Variants in NDFIP2 observed in about 807,000 individuals in gnomAD.
The protein encoded by NDFIP2 is Nedd4 family interacting protein 2.
A neutral mutation model predicts 36.0 loss-of-function variants in NDFIP2; 19 were observed. The observed-to-expected ratio is 0.53, with a 90% CI of 0.37 to 0.77. The LOEUF (loss-of-function observed/expected upper bound fraction) is 0.77, where lower values mean the gene tolerates loss of function less well. NDFIP2 is among the 30% of genes least tolerant of loss of function. NDFIP2 has a pLI of 0.00. For synonymous variants in NDFIP2, 181 were observed against 167.7 expected (o/e 1.08, Z -0.61); for missense variants, 446 against 435.8 (o/e 1.02, Z -0.21).
At chr13:79,485,929 C>T (rs1872966055) in intron 1 of NDFIP2, among the ~76,000 whole-genome samples, 1 of 152,140 alleles carries the variant, frequency 6.6e-6, no homozygotes, top group African/African-American at 2.4e-5. Flanking sequence ...TTGTTTGCAT[C>T]GTGTGAATCA....
intron 4 of NDFIP2, among the ~76,000 whole-genome samples, chr13:79,542,315 GA>G (rs1302595175): frequency 6.6e-6 from 1 of 152,180 alleles, no homozygotes; most frequent in Non-Finnish European, 1.5e-5. Context: ...GAAACAGAAA[GA>G]GAAGGTATTT....
At chr13:79,507,170 C>G (rs1441834425) in intron 1 of NDFIP2, among the ~76,000 whole-genome samples, 1 of 151,420 alleles carries the variant, frequency 6.6e-6, no homozygotes, top group Non-Finnish European at 1.5e-5. Flanking sequence ...GTCTTTAGCT[C>G]TATGTTTAAC....
intron 5 of NDFIP2, among the ~76,000 whole-genome samples, chr13:79,543,955 A>G (rs1298849899): frequency 6.6e-6 from 1 of 151,662 alleles, no homozygotes; most frequent in South Asian, 2.1e-4. Flanking sequence ...ACTTTATTTA[A>G]TTGTTCTGAG....
In NDFIP2 at chr13:79,522,394, C is replaced by T. The variant is rs539227963; in HGVS notation, c.487+1419C>T. 5.9e-5 allele frequency among the ~76,000 whole-genome samples: 9 copies of T among 152,110 alleles called. 2 individuals carry two copies. Among genetic ancestry groups the T allele is most frequent in the African/African-American group, 2.2e-4 (9 of 41,468 alleles). On this transcript the variant is annotated intron_variant, in intron 2 of 7. Coordinates refer to ENST00000218652, the MANE Select transcript of NDFIP2 (RefSeq NM_019080.3). Reference sequence around the variant, plus strand: ...TGAAGAAAGAAAATGAGTTGTTTTCCTACTGATGTTTGTCTGAGTAATGAA... The same window carrying T: ...TGAAGAAAGAAAATGAGTTGTTTTCTTACTGATGTTTGTCTGAGTAATGAA...
rs1873761858 is a variant in NDFIP2, at chr13:79,503,938, G to A, written c.322-16872G>A. Reference sequence around the variant, plus strand: ...CCAAGAAAATTTTCCTTGTCTTCTTGTTCCCAGATAAGAGGGAGAGATGTG... The same window carrying A: ...CCAAGAAAATTTTCCTTGTCTTCTTATTCCCAGATAAGAGGGAGAGATGTG... On this transcript the variant is annotated intron_variant, in intron 1 of 7. Transcript: ENST00000218652. Among the ~76,000 whole-genome samples the A allele has an allele frequency of 2.0e-5, 3 of 152,136 alleles. No homozygotes were observed. In the South Asian group the frequency reaches 6.2e-4, roughly 32 times the overall value.
At chr13:79,490,357 G>A (rs1245370561) in intron 1 of NDFIP2, among the ~76,000 whole-genome samples, 1 of 152,150 alleles carries the variant, frequency 6.6e-6, no homozygotes, top group African/African-American at 2.4e-5. Context: ...CCCCAATCAT[G>A]GATTCCTCCT....
intron 1 of NDFIP2, among the ~76,000 whole-genome samples, chr13:79,506,095 TC>T (rs1330414551): frequency 1.3e-5 from 2 of 152,144 alleles, no homozygotes; most frequent in African/African-American, 4.8e-5. Flanking sequence ...CAGATGGAAA[TC>T]TCTTTAACAT....
chr13:79,542,285 T>G (rs1313513056), intron 4 of NDFIP2, among the ~76,000 whole-genome samples: 1 of 152,222 alleles, frequency 6.6e-6, no homozygotes, highest in Non-Finnish European at 1.5e-5. Flanking sequence ...ACCTGCATTA[T>G]TATCATTTTA....
chr13:79,547,362 G>C (rs1053442506), intron 5 of NDFIP2, among the ~76,000 whole-genome samples: 1 of 152,106 alleles, frequency 6.6e-6, no homozygotes, highest in African/African-American at 2.4e-5. Context: ...TCTGCATTTA[G>C]TGGAATCATT....
intron 2 of NDFIP2, among the ~76,000 whole-genome samples, chr13:79,521,976 G>C (rs6563116): frequency 0.69 from 105,112 of 151,578 alleles, 37,919 homozygotes; most frequent in African/African-American, 0.9. Context: ...AGGCGCCCAC[G>C]ACCACGCCTG....
At chr13:79,520,756 T>C (rs996216908) in intron 1 of NDFIP2, 54 bp from the exon 2 acceptor site, 1 of 1,480,792 alleles carries the variant, frequency 6.8e-7, no homozygotes, top group South Asian at 1.3e-5. Context: ...CAGCTTAAAA[T>C]TTAAAAAATA....
At chr13:79,500,443 C>T (rs535353257) in intron 1 of NDFIP2, among the ~76,000 whole-genome samples, 10 of 152,022 alleles carry the variant, frequency 6.6e-5, no homozygotes, top group South Asian at 6.2e-4. Context: ...TTGCAAAAGA[C>T]GTCTGATAAA....
In NDFIP2 at chr13:79,553,527, T is replaced by A. The variant is rs895784435; in HGVS notation, c.*1014T>A. On this transcript the variant is annotated 3_prime_UTR_variant, in exon 8 of 8. Transcript: ENST00000218652. ...AAGGCCAATAAAATATCTTTCAGTATCATTGTAATAATTTTTTAGAGTTTA... is the reference window on the plus strand; with the variant it reads ...AAGGCCAATAAAATATCTTTCAGTAACATTGTAATAATTTTTTAGAGTTTA... The A allele has an allele frequency of 2.6e-5, 4 of 151,614 alleles. No homozygotes were observed. Among genetic ancestry groups the A allele is most frequent in the Admixed American group, 2.6e-4 (4 of 15,204 alleles). The allele number at this position is 151,614 out of a possible 1,614,324, so 9.4% of individuals were successfully genotyped here.
At chr13:79,509,174 A>G (rs1304776185) in intron 1 of NDFIP2, among the ~76,000 whole-genome samples, 1 of 152,216 alleles carries the variant, frequency 6.6e-6, no homozygotes, top group Non-Finnish European at 1.5e-5. Flanking sequence ...ACATGTGCTC[A>G]GGGTGGTTGG....
chr13:79,518,186 A>G (rs1389130071), intron 1 of NDFIP2, among the ~76,000 whole-genome samples: 1 of 152,228 alleles, frequency 6.6e-6, no homozygotes, highest in Non-Finnish European at 1.5e-5. Flanking sequence ...ACTAGTCAAG[A>G]GGGTAGTCAT....
At chr13:79,518,511 T>C (rs1448296263) in intron 1 of NDFIP2, among the ~76,000 whole-genome samples, 1 of 152,248 alleles carries the variant, frequency 6.6e-6, no homozygotes, top group Non-Finnish European at 1.5e-5. Context: ...ACTTTGCATT[T>C]ACTTATTTAT....
At chr13:79,541,988 T>G (rs1474613266) in intron 4 of NDFIP2, among the ~76,000 whole-genome samples, 1 of 152,198 alleles carries the variant, frequency 6.6e-6, no homozygotes, top group African/African-American at 2.4e-5. Context: ...CAAAATCCTT[T>G]TAAAGTGTTA....
rs1421806329 is a variant in NDFIP2, at chr13:79,543,500, CTA to C, written c.716-56_716-55del. On this transcript the variant is annotated intron_variant, in intron 4 of 7. Coordinates refer to ENST00000218652, the MANE Select transcript of NDFIP2 (RefSeq NM_019080.3). ...GAGCCATGAAATATTATTAATATGT[CTA>C]TGTTAATTTGTTTCCAAATTGTGGT... The C allele has an allele frequency of 1.9e-6, 3 of 1,589,552 alleles. No individual in the cohort carries two copies. In the African/African-American group the frequency reaches 4.0e-5, roughly 21 times the overall value.
At chr13:79,531,970 G>A (rs1002656935) in intron 2 of NDFIP2, among the ~76,000 whole-genome samples, 1 of 152,204 alleles carries the variant, frequency 6.6e-6, no homozygotes, top group Admixed American at 6.5e-5. Flanking sequence ...GTCCTTGCTA[G>A]GCTTGATTGT....
Sources: allele counts gnomAD v4.1 joint callset (sites outside exome capture counted in the v4.1 genomes callset), GRCh38; gene constraint gnomAD v4.1.1; transcripts MANE v1.5; gene names NCBI Gene and HGNC (gene_info 2026-07-23, HGNC 2026-07-21).